Variants in CFAP44 observed in about 807,000 individuals in gnomAD.
CFAP44 encodes cilia and flagella associated protein 44, also known as cilia- and flagella-associated protein 44.
A neutral mutation model predicts 216.2 loss-of-function variants in CFAP44; 134 were observed. The observed-to-expected ratio is 0.62, with a 90% CI of 0.54 to 0.72. The LOEUF is 0.72. Ranked by LOEUF, CFAP44 falls within the 30% of genes least tolerant of loss-of-function variation. The pLI is 0.00. For synonymous variants in CFAP44, 700 were observed against 727.6 expected, an observed-to-expected ratio of 0.96 and a Z score of 0.61; for missense variants, 2,035 against 2,182.1, an observed-to-expected ratio of 0.93 and a Z score of 1.34.
In CFAP44 at chr3:113,438,215, G is replaced by A. The variant is rs561042110; in HGVS notation, c.-6+3238C>T. On this transcript the variant is annotated intron_variant, in intron 1 of 34. Coordinates refer to ENST00000393845, the MANE Select transcript of CFAP44 (RefSeq NM_001164496.2). ...AGATATTCTCTTTGACACATGTAGG[G>A]TTCAATAAATAAAATCATGGAATCT... 2.0e-5 allele frequency among the ~76,000 whole-genome samples: 3 copies of A among 152,268 alleles called. No individual in the cohort carries two copies. In the East Asian group the frequency reaches 5.8e-4, roughly 29 times the overall value.
intron 28 of CFAP44, among the ~76,000 whole-genome samples, chr3:113,313,351 ATATTATGTAGG>A (rs1198862289): frequency 1.3e-5 from 2 of 152,090 alleles, no homozygotes; most frequent in South Asian, 2.1e-4. Context: ...CTGTAGCCCC[ATATTATGTAGG>A]AAGTAACTAG....
intron 2 of CFAP44, among the ~76,000 whole-genome samples, chr3:113,433,268 A>T (rs1243371123): frequency 6.6e-6 from 1 of 151,796 alleles, no homozygotes; most frequent in African/African-American, 2.4e-5. Context: ...ATCTCTACTA[A>T]AAATACAAAA....
chr3:113,312,198 A>G (rs527680224), intron 28 of CFAP44, among the ~76,000 whole-genome samples: 1 of 150,006 alleles, frequency 6.7e-6, no homozygotes, highest in South Asian at 2.1e-4. Flanking sequence ...CAGCCTCCCA[A>G]GTAGCTGGGA....
intron 15 of CFAP44, 58 bp from the exon 16 acceptor site, chr3:113,381,118 A>C (rs1252362125): frequency 1.4e-5 from 18 of 1,243,466 alleles, no homozygotes; most frequent in Admixed American, 2.8e-5. Flanking sequence ...AGCATAGTTT[A>C]AAGAGATTAT....
chr3:113,305,896 A>T (rs1466387518), intron 30 of CFAP44, among the ~76,000 whole-genome samples: 1 of 152,184 alleles, frequency 6.6e-6, no homozygotes, highest in Non-Finnish European at 1.5e-5. Flanking sequence ...GATACATAAT[A>T]GTTCATAAAT....
intron 34 of CFAP44, chr3:113,293,991 C>T (rs780850994): frequency 2.2e-6 from 1 of 456,694 alleles, no homozygotes; most frequent in South Asian, 1.5e-5. Flanking sequence ...TGCTCTTCTT[C>T]AGAGGACCAA....
intron 15 of CFAP44, among the ~76,000 whole-genome samples, chr3:113,387,540 T>C (rs1483929523): frequency 1.3e-5 from 2 of 152,084 alleles, no homozygotes; most frequent in African/African-American, 4.8e-5. Flanking sequence ...TCAACAGTGA[T>C]GGCCAGGTAG....
intron 1 of CFAP44, among the ~76,000 whole-genome samples, chr3:113,436,001 C>T (rs6805201): frequency 0.41 from 61,440 of 150,970 alleles, 12,597 homozygotes; most frequent in East Asian, 0.54. Flanking sequence ...AGAATATATA[C>T]CTTTTGGGGT....
At chr3:113,375,980 G>A (rs1002767456) in intron 17 of CFAP44, among the ~76,000 whole-genome samples, 2 of 151,942 alleles carry the variant, frequency 1.3e-5, no homozygotes, top group Non-Finnish European at 2.9e-5. Flanking sequence ...TTTAGAATGA[G>A]TGCGACAAAT....
At position 113,358,813 on chromosome 3, in the gene CFAP44, T is replaced by C. The variant is rs1401548499; in HGVS notation, c.2997A>G (p.Gln999=). ...CCCAAGCTAATTCCTTTTCCACTTG[T>C]TGAATTTTGAAAGCTGTTTTTCTGT... ...EMHRKTAFKI[Q]QVEKELAWEK... is the part of the protein sequence containing the mutation. Residue 999 remains glutamine (Q), a synonymous_variant, in exon 22 of 35, where the codon CAA becomes CAG. Coordinates refer to ENST00000393845, the MANE Select transcript of CFAP44 (RefSeq NM_001164496.2). 4 of 1,536,786 alleles carry C rather than the reference T, an allele frequency of 2.6e-6. No homozygotes were observed. Among genetic ancestry groups the C allele is most frequent in the Non-Finnish European group, 1.7e-6 (2 of 1,146,630 alleles).
chr3:113,388,236 G>A (rs997693200), intron 15 of CFAP44, among the ~76,000 whole-genome samples: 17 of 152,052 alleles, frequency 1.1e-4, no homozygotes, highest in Non-Finnish European at 2.4e-4. Flanking sequence ...GGCAAGACTC[G>A]GTGCTATTCT....
intron 32 of CFAP44, among the ~76,000 whole-genome samples, chr3:113,302,257 A>G (rs1023639874): frequency 1.6e-4 from 24 of 152,200 alleles, no homozygotes; most frequent in African/African-American, 4.1e-4. Context: ...TCTCTTCTGC[A>G]TACTGATTAC....
At chr3:113,381,190 C>A (rs1933498539) in intron 15 of CFAP44, 130 bp from the exon 16 acceptor site, 1 of 540,176 alleles carries the variant, frequency 1.9e-6, no homozygotes. Context: ...TTCCTCACTG[C>A]AGTTATTGGT....
chr3:113,369,207 T>G (rs1357268373), intron 18 of CFAP44, among the ~76,000 whole-genome samples: 3 of 152,186 alleles, frequency 2.0e-5, no homozygotes, highest in African/African-American at 7.2e-5. Context: ...ATCCAGGATT[T>G]CAACTCAGCT....
chr3:113,323,555 T>A lies in CFAP44; in HGVS notation c.4516+2890A>T, dbSNP rs891924091. ...TGGGTGCAATATACCAATGTAACAA[T>A]CCTGCACATATACCGCCTGTATCTA... On this transcript the variant is annotated intron_variant, in intron 28 of 34. Transcript: ENST00000393845. Among the ~76,000 whole-genome samples, 7 of 152,114 alleles carry A rather than the reference T, an allele frequency of 4.6e-5. No individual in the cohort carries two copies. In the South Asian group the frequency reaches 8.3e-4, roughly 18 times the overall value.
At chr3:113,411,089 G>A (rs913162892) in intron 6 of CFAP44, among the ~76,000 whole-genome samples, 1 of 152,094 alleles carries the variant, frequency 6.6e-6, no homozygotes, top group East Asian at 1.9e-4. Context: ...CTCCCATTCT[G>A]TAAGTTGCCT....
chr3:113,431,384 C>T lies in CFAP44; in HGVS notation c.100+2181G>A, dbSNP rs1576609994. Reference sequence around the variant, plus strand: ...AGGAAGGCAGGTCCTGAAGGCAATGCTAGACAAAGGGTCATTATCATTAAA... The same window carrying T: ...AGGAAGGCAGGTCCTGAAGGCAATGTTAGACAAAGGGTCATTATCATTAAA... On this transcript the variant is annotated intron_variant, in intron 2 of 34. Transcript: ENST00000393845. Among the ~76,000 whole-genome samples, 5 of 152,162 alleles carry T rather than the reference C, an allele frequency of 3.3e-5. No homozygotes were observed. The South Asian group carries it at 1.0e-3, about 32-fold the overall frequency.
In CFAP44 at chr3:113,409,232, G is replaced by A. The variant is rs1288266633; in HGVS notation, c.764C>T (p.Thr255Ile). 4.3e-6 allele frequency: 7 copies of A among 1,613,988 alleles called. No homozygotes were observed. Among genetic ancestry groups the A allele is most frequent in the Admixed American group, 1.7e-5 (1 of 59,994 alleles). ...SVGSNPDYTL[T>I]IWNWKEEQPI... ...TTGTTCTTCTTTCCAGTTCCAGATA[G>A]TCAGTGTGTAGTCAGGGTTACTACC... The change falls in exon 7 of 35, where the codon ACT becomes ATT. Residue 255 changes from threonine to isoleucine, a missense_variant. By Grantham distance (89) the Thr-to-Ile change is moderately conservative. Around this residue, in one of 3 missense-constraint regions of CFAP44, gnomAD observed 1,883 missense variants for 2,023.7 expected, o/e 0.93. Coordinates refer to ENST00000393845, the MANE Select transcript of CFAP44 (RefSeq NM_001164496.2).
chr3:113,401,644 A>C lies in CFAP44; in HGVS notation c.1266T>G (p.Asn422Lys). ...EPINELQVDK[N>K]VNLFSMIKMN... is the part of the protein sequence containing the mutation. ...TTTTTATCATAGAGAAGAGATTCAC[A>C]TTCTTGTCTACTTGAAGTTCATTAA... The change falls in exon 10 of 35, where the codon AAT (asparagine) becomes AAG (lysine). Residue 422 changes from asparagine (N) to lysine (K), a missense_variant. By Grantham distance (94) the Asn-to-Lys change is moderately conservative. Around this residue, in one of 3 missense-constraint regions of CFAP44, gnomAD observed 1,883 missense variants for 2,023.7 expected, o/e 0.93. Transcript: ENST00000393845. 1.2e-6 allele frequency: 2 copies of C among 1,613,556 alleles called. No individual in the cohort carries two copies. The highest frequency in any genetic ancestry group is 1.7e-6 in the Non-Finnish European group (2 of 1,179,712).
Sources: gnomAD v4.1 joint callset for allele counts (sites outside exome capture counted in the v4.1 genomes callset) on GRCh38, gnomAD v4.1.1 for gene constraint, gnomAD v4.1.1 regional missense constraint, MANE v1.5 for transcripts, NCBI Gene and HGNC (gene_info 2026-07-23, HGNC 2026-07-21) for gene names.